Variants in ATP1A4 observed in about 807,000 individuals in gnomAD.
The protein encoded by ATP1A4 is sodium/potassium-transporting ATPase subunit alpha-4.
Under a neutral mutation model 114.3 loss-of-function variants are expected in ATP1A4, and 90 were observed. The observed-to-expected ratio is 0.79, with a 90% CI of 0.66 to 0.94. The LOEUF (loss-of-function observed/expected upper bound fraction) is 0.94. Among genes scored for constraint, ATP1A4 ranks in the 40% least tolerant of loss-of-function variants. The probability of loss-of-function intolerance (pLI) is 0.00; values close to 1 mark genes in which losing one functional copy is unlikely to be tolerated. For synonymous variants in ATP1A4, 511 were observed against 494.1 expected (o/e 1.03, Z -0.45); for missense variants, 1,222 against 1,313.6 (o/e 0.93, Z 1.08).
chr1:160,167,313 C>T lies in ATP1A4; in HGVS notation c.1392C>T (p.Leu464=). The part of the protein sequence containing the change: ...ATTGDASESA[L]LKFIEQSYSS... ...CAGGTGATGCTTCCGAGTCAGCCCT[C>T]CTCAAGTTCATCGAGCAGTCTTACA... The change falls in exon 10 of 22, where the codon CTC becomes CTT. Residue 464 remains leucine (L), a synonymous_variant. Coordinates refer to ENST00000368081, the MANE Select transcript of ATP1A4 (RefSeq NM_144699.4). The T allele has an allele frequency of 1.2e-6, 2 of 1,610,396 alleles. No homozygotes were observed. The highest frequency in any genetic ancestry group is 1.7e-6 in the Non-Finnish European group (2 of 1,179,060).
At chr1:160,173,767 C>T in intron 13 of ATP1A4, 50 bp downstream of exon 13, 4 of 1,584,662 alleles carry the variant, frequency 2.5e-6, no homozygotes. Flanking sequence ...CCATCCCCAG[C>T]CTGCCCCACC....
Position 160,166,734 on chromosome 1 carries a change from G to C in ATP1A4, c.1246+8G>C. On this transcript the variant is annotated splice_region_variant and intron_variant, in intron 8 of 21. Coordinates refer to ENST00000368081, the MANE Select transcript of ATP1A4 (RefSeq NM_144699.4). ...CCACTGAAGAACAGACTGGTGACTA[G>C]TGGTATTGGTGGAACAAGAGTGGAG... 3 of 1,614,196 alleles carry C rather than the reference G, an allele frequency of 1.9e-6. No individual in the cohort carries two copies. Among genetic ancestry groups the C allele is most frequent in the Non-Finnish European group, 2.5e-6 (3 of 1,180,022 alleles).
chr1:160,186,845 G>A lies in ATP1A4; in HGVS notation c.*146G>A. 1 of 946,166 alleles carries A rather than the reference G, an allele frequency of 1.1e-6. No individual in the cohort carries two copies. The highest frequency in any genetic ancestry group is 1.5e-5 in the South Asian group (1 of 67,136). The allele number at this position is 946,166 out of a possible 1,614,324, so 58.6% of individuals were successfully genotyped here. ...ATGGGCAATCCTGGGCTGGCTTGAG[G>A]GAATCATGGGCAGAGGATGAGGTGG... On this transcript the variant is annotated 3_prime_UTR_variant, in exon 22 of 22. Coordinates refer to ENST00000368081, the MANE Select transcript of ATP1A4 (RefSeq NM_144699.4).
At chr1:160,166,185 G>A (rs1033762451) in intron 7 of ATP1A4, among the ~76,000 whole-genome samples, 1 of 152,172 alleles carries the variant, frequency 6.6e-6, no homozygotes, top group Non-Finnish European at 1.5e-5. Flanking sequence ...CAGAAGAATT[G>A]CTTTAACCTG....
chr1:160,180,692 C>CT, intron 18 of ATP1A4, among the ~76,000 whole-genome samples: 1 of 139,044 alleles, frequency 7.2e-6, no homozygotes. Context: ...CTGCCTTCTT[C>CT]CCTTTTTTTT....
Position 160,174,223 on chromosome 1 carries a change from C to T in ATP1A4, c.2104C>T (p.Gln702Ter), listed in dbSNP as rs758001241. 6.8e-6 allele frequency: 11 copies of T among 1,614,066 alleles called. No homozygotes were observed. The highest frequency in any genetic ancestry group is 1.3e-5 in the African/African-American group (1 of 74,912). Residue 702 changes from glutamine (Q) to a stop codon, truncating the protein, a stop_gained, in exon 14 of 22, where the codon CAG (glutamine) becomes TAG (stop). Transcript: ENST00000368081. LOFTEE classifies it high-confidence loss of function. ...GATCGTGTTTGCTCGGACCTCCCCT[C>T]AGCAGAAGCTCATCATTGTCGAGGG... ...PEIVFARTSPQQKLIIVEGCQ... is the reference protein window; with the variant it reads ...PEIVFARTSP
rs1652766672 is a variant in ATP1A4, at chr1:160,158,870, A to G, written c.526-132A>G. ...TTGCAATCTGCCAAAGACACCTTCA[A>G]GAATGATGTGGTGGGTGACAGTAAG... is the stretch of plus-strand genomic sequence containing the variant. On this transcript the variant is annotated intron_variant, in intron 4 of 21. Transcript: ENST00000368081. 3 of 996,328 alleles carry G rather than the reference A, an allele frequency of 3.0e-6. No individual in the cohort carries two copies. In the East Asian group the frequency reaches 7.8e-5, roughly 26 times the overall value. 61.7% of individuals were successfully genotyped at this position (996,328 alleles called of 1,614,324 possible).
chr1:160,167,203 C>T (rs1002864426), intron 9 of ATP1A4, 75 bp from the exon 10 acceptor site: 10 of 1,554,430 alleles, frequency 6.4e-6, no homozygotes, highest in African/African-American at 1.4e-5. Flanking sequence ...TGTCCCCTCT[C>T]CATGTTGCCA....
chr1:160,180,908 G>A (rs1365337627), intron 18 of ATP1A4, among the ~76,000 whole-genome samples: 1 of 151,664 alleles, frequency 6.6e-6, no homozygotes, highest in Non-Finnish European at 1.5e-5. Context: ...TAGAGACGGG[G>A]TTTCATTGTG....
At chr1:160,163,738 G>A (rs895500430) in intron 6 of ATP1A4, among the ~76,000 whole-genome samples, 2 of 152,100 alleles carry the variant, frequency 1.3e-5, no homozygotes, top group African/African-American at 4.8e-5. Context: ...ATTAGCCATT[G>A]GTGATCAACT....
Position 160,176,150 on chromosome 1 carries a change from C to T in ATP1A4, c.2370C>T (p.Ile790=). 1 of 1,614,144 alleles carries T rather than the reference C, an allele frequency of 6.2e-7. No individual in the cohort carries two copies. Among genetic ancestry groups the T allele is most frequent in the South Asian group, 1.1e-5 (1 of 91,080 alleles). ...KSIMYTLTSN[I]PEITPFLMFI... ...TCATGTACACCCTGACCAGCAACATCCCCGAGATCACGCCCTTCCTGATGT... is the reference window on the plus strand; with the variant it reads ...TCATGTACACCCTGACCAGCAACATTCCCGAGATCACGCCCTTCCTGATGT... The change falls in exon 16 of 22, where the codon ATC becomes ATT. Residue 790 remains isoleucine, a synonymous_variant. Coordinates refer to ENST00000368081, the MANE Select transcript of ATP1A4 (RefSeq NM_144699.4).
chr1:160,180,020 A>C (rs1403048857), intron 18 of ATP1A4, among the ~76,000 whole-genome samples: 1 of 152,202 alleles, frequency 6.6e-6, no homozygotes, highest in Admixed American at 6.5e-5. Context: ...AGTACAGGAC[A>C]ACATCATTGG....
Position 160,159,518 on chromosome 1 carries a change from G to A in ATP1A4, c.770G>A (p.Cys257Tyr). 6.2e-7 allele frequency: 1 copy of A among 1,610,862 alleles called. No individual in the cohort carries two copies. Among genetic ancestry groups the A allele is most frequent in the Non-Finnish European group, 8.5e-7 (1 of 1,177,748 alleles). Residue 257 changes from cysteine to tyrosine, a missense_variant, in exon 6 of 22, where the codon TGT becomes TAT. Coordinates refer to ENST00000368081, the MANE Select transcript of ATP1A4 (RefSeq NM_144699.4). ...AACATCTGCTTCTTTTCCACCAACT[G>A]TGTGGAAGGTGAATATCGAACCATA... The part of the protein sequence containing the change: ...TRNICFFSTN[C>Y]VEGTARGIVI...
In ATP1A4 at chr1:160,178,347, C is replaced by T. The variant is rs1390190571; in HGVS notation, c.2736+683C>T. Among the ~76,000 whole-genome samples, 10 of 144,936 alleles carry T rather than the reference C, an allele frequency of 6.9e-5. No homozygotes were observed. In the Admixed American group the frequency reaches 7.0e-4, roughly 10 times the overall value. ...TGCAGCCTGGGCAACAAGAGTAAAACTCTGTCTCAAAAAATAAATAAATAA... is the reference window on the plus strand; with the variant it reads ...TGCAGCCTGGGCAACAAGAGTAAAATTCTGTCTCAAAAAATAAATAAATAA... On this transcript the variant is annotated intron_variant, in intron 18 of 21. Transcript: ENST00000368081.
intron 12 of ATP1A4, among the ~76,000 whole-genome samples, chr1:160,173,005 A>G (rs1653321808): frequency 6.6e-6 from 1 of 152,228 alleles, no homozygotes; most frequent in Non-Finnish European, 1.5e-5. Flanking sequence ...CATACAGAGA[A>G]GTGTGGCAAG....
chr1:160,173,745 G>T (rs777107427), intron 13 of ATP1A4, 28 bp downstream of exon 13: 2 of 1,606,616 alleles, frequency 1.2e-6, no homozygotes, highest in Non-Finnish European at 1.7e-6. Context: ...CTCAAGATCT[G>T]CCATGTTCCC....
At chr1:160,186,086 C>CAAAAAAAAA (rs527303426) in intron 20 of ATP1A4, among the ~76,000 whole-genome samples, 190 bp from the exon 21 acceptor site, 726 of 32,736 alleles carry the variant, frequency 0.022, 106 homozygotes, top group African/African-American at 0.065. Context: ...GACTCTGTCG[C>CAAAAAAAAA]AAAAAAAAAA....
intron 13 of ATP1A4, 64 bp from the exon 14 acceptor site, chr1:160,174,047 G>A: frequency 6.4e-7 from 1 of 1,558,390 alleles, no homozygotes; most frequent in Non-Finnish European, 8.8e-7. Context: ...GTCAAGATGG[G>A]CACCAAGACC....
At chr1:160,161,411 T>G (rs2101630662) in intron 6 of ATP1A4, among the ~76,000 whole-genome samples, 1 of 152,320 alleles carries the variant, frequency 6.6e-6, no homozygotes, top group African/African-American at 2.4e-5. Flanking sequence ...GGAAGGTGTA[T>G]GAAGAAGCCA....
Sources: gnomAD v4.1 joint callset for allele counts (sites outside exome capture counted in the v4.1 genomes callset) on GRCh38, gnomAD v4.1.1 for gene constraint, MANE v1.5 for transcripts, NCBI Gene and HGNC (gene_info 2026-07-23, HGNC 2026-07-21) for gene names.